Variants in DIAPH2 observed in about 807,000 individuals in gnomAD.
DIAPH2 encodes the protein diaphanous related formin 2, also known as protein diaphanous homolog 2.
Under a neutral mutation model 92.7 loss-of-function variants are expected in DIAPH2, and 35 were observed. The observed-to-expected ratio is 0.38, with a 90% CI of 0.29 to 0.50. The LOEUF is 0.50. DIAPH2 is among the 20% of genes least tolerant of loss of function. The pLI, the probability that DIAPH2 is intolerant of heterozygous loss-of-function variation, is 0.94. For missense variants in DIAPH2, 701 were observed against 819.5 expected, an observed-to-expected ratio of 0.86 and a Z score of 1.77; for synonymous variants, 301 against 280.4, an observed-to-expected ratio of 1.07 and a Z score of -0.73.
At chrX:97,275,739 T>C (rs2068443825) in intron 23 of DIAPH2, among the ~76,000 whole-genome samples, 1 of 108,049 alleles carries the variant, frequency 9.3e-6, no homozygotes, top group South Asian at 4.1e-4. Context: ...GCAGAGACGC[T>C]CCTCACTTCC....
chrX:97,241,660 G>T (rs187744331), intron 22 of DIAPH2, among the ~76,000 whole-genome samples: 3 of 110,743 alleles, frequency 2.7e-5, no homozygotes, highest in East Asian at 5.7e-4. Context: ...GTATAGGCTG[G>T]GTAGATTAAG....
chrX:97,364,117 A>G (rs1399976513), intron 24 of DIAPH2, among the ~76,000 whole-genome samples: 1 of 112,199 alleles, frequency 8.9e-6, no homozygotes, highest in Non-Finnish European at 1.9e-5. Flanking sequence ...TTGGAGGGAA[A>G]GACAGCCTTT....
At chrX:97,343,961 CTGCCTT>C (rs1439545833) in intron 23 of DIAPH2, among the ~76,000 whole-genome samples, 2 of 111,592 alleles carry the variant, frequency 1.8e-5, no homozygotes, top group Non-Finnish European at 3.8e-5. Context: ...AAATGGATGA[CTGCCTT>C]TTATCTAGCT....
At chrX:97,163,679 GCTC>G (rs2067391392) in intron 22 of DIAPH2, among the ~76,000 whole-genome samples, 1 of 111,935 alleles carries the variant, frequency 8.9e-6, no homozygotes, top group Non-Finnish European at 1.9e-5. Flanking sequence ...CTCAGTTCCA[GCTC>G]CTCATGTACA....
intron 5 of DIAPH2, among the ~76,000 whole-genome samples, chrX:96,907,029 A>G (rs945033062): frequency 1.8e-5 from 2 of 111,999 alleles, no homozygotes; most frequent in African/African-American, 6.5e-5. Context: ...GTCTCCTGAC[A>G]TGTGACCACA....
chrX:97,463,232 G>A (rs768376291), intron 26 of DIAPH2, among the ~76,000 whole-genome samples: 11 of 105,282 alleles, frequency 1.0e-4, no homozygotes, highest in Admixed American at 3.1e-4. Context: ...AGATTCTTGG[G>A]TCCCAATTCT....
chrX:97,597,753 G>T (rs1402834630), intron 26 of DIAPH2, among the ~76,000 whole-genome samples: 1 of 111,936 alleles, frequency 8.9e-6, no homozygotes, highest in East Asian at 2.8e-4. Context: ...ATTCGGGAAT[G>T]TTATCTTCAC....
At chrX:96,713,626 C>G (rs2063932264) in intron 1 of DIAPH2, among the ~76,000 whole-genome samples, 1 of 111,979 alleles carries the variant, frequency 8.9e-6, no homozygotes, top group Non-Finnish European at 1.9e-5. Context: ...TAAAAATCCT[C>G]TATTCACCAC....
At position 96,916,708 on chromosome X, in the gene DIAPH2, T is replaced by C. The variant is rs2065507171; in HGVS notation, c.869+134T>C. 6.0e-6 allele frequency: 4 copies of C among 666,516 alleles called. No individual in the cohort carries two copies. In the South Asian group the frequency reaches 1.4e-4, roughly 23 times the overall value. 54.9% of individuals were successfully genotyped at this position (666,516 alleles called of 1,213,427 possible). On this transcript the variant is annotated intron_variant, in intron 8 of 26. Transcript: ENST00000324765. ...TTTAGATAATTTTTGATTGAAATTT[T>C]TATCTTGCCTGTTTATATTTTGGCT...
At chrX:96,827,069 G>A (rs1314559331) in intron 4 of DIAPH2, among the ~76,000 whole-genome samples, 1 of 112,719 alleles carries the variant, frequency 8.9e-6, no homozygotes, top group Non-Finnish European at 1.9e-5. Flanking sequence ...TGACAAATAT[G>A]TATTAAGTTT....
chrX:97,262,093 A>T (rs1276068862), intron 23 of DIAPH2, among the ~76,000 whole-genome samples: 1 of 35,288 alleles, frequency 2.8e-5, no homozygotes, highest in Non-Finnish European at 8.9e-5. Flanking sequence ...ATGAGAAACT[A>T]AAAAAAAAAA....
intron 5 of DIAPH2, among the ~76,000 whole-genome samples, chrX:96,882,284 C>T (rs935006974): frequency 4.5e-5 from 5 of 110,390 alleles, no homozygotes; most frequent in African/African-American, 1.6e-4. Context: ...CTCTTGATCT[C>T]GTGATCCACC....
At chrX:97,037,694 C>T (rs1355941958) in intron 17 of DIAPH2, among the ~76,000 whole-genome samples, 3 of 111,056 alleles carry the variant, frequency 2.7e-5, no homozygotes, top group African/African-American at 9.8e-5. Flanking sequence ...GTGTGTGTAT[C>T]CTTATATTTT....
Position 96,685,050 on chromosome X carries a change from C to G in DIAPH2, c.-9C>G. On this transcript the variant is annotated 5_prime_UTR_variant, in exon 1 of 27. Transcript: ENST00000324765. ...GGTTACAGGGCACAGGTGACAGGGC[C>G]GGAGAAAGATGGAGCAGCCCGGGGC... 1 of 993,580 alleles carries G rather than the reference C, an allele frequency of 1.0e-6. No homozygotes were observed. Among genetic ancestry groups the G allele is most frequent in the Non-Finnish European group, 1.3e-6 (1 of 783,168 alleles). 81.9% of individuals were successfully genotyped at this position (993,580 alleles called of 1,213,427 possible).
intron 23 of DIAPH2, among the ~76,000 whole-genome samples, chrX:97,286,028 C>G (rs1006639014): frequency 1.9e-5 from 2 of 105,784 alleles, no homozygotes; most frequent in African/African-American, 6.9e-5. Context: ...CTAATACAAT[C>G]TCAGCCCAGA....
chrX:97,214,845 A>G (rs1602422827), intron 22 of DIAPH2, among the ~76,000 whole-genome samples: 1 of 109,081 alleles, frequency 9.2e-6, no homozygotes, highest in African/African-American at 3.3e-5. Flanking sequence ...TTAAAAAAAA[A>G]AAAAAAAAAA....
At chrX:96,922,991 G>A (rs2065556115) in intron 9 of DIAPH2, among the ~76,000 whole-genome samples, 1 of 111,445 alleles carries the variant, frequency 9.0e-6, no homozygotes, top group Non-Finnish European at 1.9e-5. Flanking sequence ...ATAGAGGCCA[G>A]AATAGTCTGG....
At chrX:96,828,238 G>T (rs985297932) in intron 4 of DIAPH2, among the ~76,000 whole-genome samples, 1 of 111,921 alleles carries the variant, frequency 8.9e-6, no homozygotes, top group African/African-American at 3.2e-5. Context: ...GCCTGGGACA[G>T]GGATGAGAAT....
At chrX:97,168,815 G>A (rs1002493068) in intron 22 of DIAPH2, among the ~76,000 whole-genome samples, 1 of 112,064 alleles carries the variant, frequency 8.9e-6, no homozygotes, top group African/African-American at 3.2e-5. Context: ...ATGCATGGCC[G>A]CTTCTTACTG....
Sources: allele counts gnomAD v4.1 joint callset (sites outside exome capture counted in the v4.1 genomes callset), GRCh38; gene constraint gnomAD v4.1.1; transcripts MANE v1.5; gene names NCBI Gene and HGNC (gene_info 2026-07-23, HGNC 2026-07-21).